The following LNX2 variants were observed in gnomAD, a reference collection of about 807,000 sequenced individuals.
LNX2 encodes the protein ligand of Numb protein X 2.
In LNX2, 35 loss-of-function variants were observed where a neutral mutation model predicts 66.2. The ratio of observed to expected loss-of-function variants is 0.53; its 90% CI spans 0.40 to 0.70. LNX2 has a LOEUF of 0.70. Among genes scored for constraint, LNX2 ranks in the 30% least tolerant of loss-of-function variants. LNX2 has a pLI of 0.00. For missense variants in LNX2, 791 were observed against 850.8 expected (o/e 0.93, Z 0.87); for synonymous variants, 337 against 315.6 (o/e 1.07, Z -0.72).
intron 1 of LNX2, among the ~76,000 whole-genome samples, chr13:27,597,583 T>C (rs1955612927): frequency 6.6e-6 from 1 of 152,114 alleles, no homozygotes; most frequent in South Asian, 2.1e-4. Context: ...AGTCAAATGA[T>C]GTGACTAGAC....
At chr13:27,581,876 A>G (rs1184827464) in intron 1 of LNX2, 73 bp from the exon 2 acceptor site, 2 of 433,256 alleles carry the variant, frequency 4.6e-6, no homozygotes, top group East Asian at 6.8e-5. Flanking sequence ...TATCAATGTA[A>G]TATTACTGGT....
chr13:27,550,570 C>T, intron 8 of LNX2, 79 bp from the exon 9 acceptor site: 1 of 1,027,902 alleles, frequency 9.7e-7, no homozygotes, highest in Non-Finnish European at 1.4e-6. Context: ...AACCCCATAC[C>T]ATGTTATATT....
intron 1 of LNX2, among the ~76,000 whole-genome samples, chr13:27,586,198 AAT>A (rs1422746717): frequency 1.3e-5 from 2 of 152,002 alleles, no homozygotes; most frequent in African/African-American, 2.4e-5. Context: ...TATTATTAAA[AAT>A]AGAGAATCAA....
intron 2 of LNX2, among the ~76,000 whole-genome samples, chr13:27,573,866 C>G (rs529005011): frequency 1.5e-4 from 23 of 151,108 alleles, no homozygotes; most frequent in Non-Finnish European, 2.8e-4. Context: ...TTTAAAATGT[C>G]CACTGTTCAA....
chr13:27,604,822 T>C (rs1410383813), intron 1 of LNX2, among the ~76,000 whole-genome samples: 1 of 148,868 alleles, frequency 6.7e-6, no homozygotes, highest in Admixed American at 6.7e-5. Context: ...CATTTCCTAT[T>C]GAATTGTATT....
chr13:27,567,980 C>CA, intron 3 of LNX2, 141 bp from the exon 4 acceptor site: 1 of 697,990 alleles, frequency 1.4e-6, no homozygotes, highest in Non-Finnish European at 2.5e-6. Flanking sequence ...GGATAAGAAA[C>CA]AAAATGACAA....
At chr13:27,579,086 T>C (rs1269384882) in intron 2 of LNX2, among the ~76,000 whole-genome samples, 1 of 152,222 alleles carries the variant, frequency 6.6e-6, no homozygotes, top group Non-Finnish European at 1.5e-5. Context: ...CATTAGATTC[T>C]AACTTGCAGA....
chr13:27,606,519 C>T, intron 1 of LNX2, among the ~76,000 whole-genome samples: 1 of 151,722 alleles, frequency 6.6e-6, no homozygotes, highest in East Asian at 1.9e-4. Context: ...GAAAGGTGAT[C>T]AAGTTAAATT....
chr13:27,610,129 C>CTACTACT (rs1218665203), intron 1 of LNX2, among the ~76,000 whole-genome samples: 1 of 152,170 alleles, frequency 6.6e-6, no homozygotes, highest in Admixed American at 6.6e-5. Context: ...AAAGGTCATG[C>CTACTACT]ACTGCTACTA....
chr13:27,562,428 A>G lies in LNX2; in HGVS notation c.1209T>C (p.Ala403=). Residue 403 remains alanine (A), a synonymous_variant, in exon 5 of 10, where the codon GCT becomes GCC. Transcript: ENST00000316334. ...GAGGGTTTACCTGAATAATCTGGGC[A>G]GCAAGCTCCGGAGTTCCATACTTCA... ...HDLKYGTPEL[A]AQIIQASGER... is the part of the protein sequence containing the mutation. 1 of 1,613,652 alleles carries G rather than the reference A, an allele frequency of 6.2e-7. No homozygotes were observed. The highest frequency in any genetic ancestry group is 8.5e-7 in the Non-Finnish European group (1 of 1,179,710).
intron 1 of LNX2, among the ~76,000 whole-genome samples, chr13:27,592,171 T>C (rs1955551945): frequency 6.6e-6 from 1 of 152,176 alleles, no homozygotes; most frequent in African/African-American, 2.4e-5. Flanking sequence ...TTGAAAATAA[T>C]CTGAAGGGCT....
chr13:27,560,069 A>C (rs1401741067), intron 5 of LNX2, 84 bp from the exon 6 acceptor site: 7 of 1,261,908 alleles, frequency 5.5e-6, no homozygotes. Flanking sequence ...TTTTCAATGA[A>C]CTTCTTAATC....
intron 5 of LNX2, among the ~76,000 whole-genome samples, chr13:27,560,970 A>G (rs1054531814): frequency 6.6e-6 from 1 of 152,194 alleles, no homozygotes. Context: ...ATCATTTACT[A>G]TTGGTCTCCT....
intron 4 of LNX2, among the ~76,000 whole-genome samples, chr13:27,564,252 G>A (rs1338121099): frequency 6.6e-6 from 1 of 152,176 alleles, no homozygotes; most frequent in Non-Finnish European, 1.5e-5. Flanking sequence ...TTTCCTCCAG[G>A]AATGCATGGT....
chr13:27,583,247 T>TGCGC lies in LNX2; in HGVS notation c.-100-1445_-100-1444insGCGC, dbSNP rs1566124843. On this transcript the variant is annotated intron_variant, in intron 1 of 9. Coordinates refer to ENST00000316334, the MANE Select transcript of LNX2 (RefSeq NM_153371.4). The stretch of plus-strand genomic sequence containing the variant: ...GTGTGTGTGTGTGTGTGTGTGTGTG[T>TGCGC]GTGTGTGTGCGCGCGTCCTCTCCAA... Among the ~76,000 whole-genome samples, 36 of 44,288 alleles carry TGCGC rather than the reference T, an allele frequency of 8.1e-4. 5 individuals are homozygous for TGCGC. Among genetic ancestry groups the TGCGC allele is most frequent in the Admixed American group, 1.0e-3 (5 of 4,848 alleles). The allele number at this position is 44,288 out of a possible 152,430, so 29.1% of individuals were successfully genotyped here.
chr13:27,586,046 A>C (rs1955482410), intron 1 of LNX2, among the ~76,000 whole-genome samples: 1 of 148,486 alleles, frequency 6.7e-6, no homozygotes, highest in African/African-American at 2.4e-5. Flanking sequence ...ACTTATATAT[A>C]CATATACTTA....
chr13:27,590,353 G>A (rs541267470), intron 1 of LNX2, among the ~76,000 whole-genome samples: 21 of 152,078 alleles, frequency 1.4e-4, no homozygotes, highest in Non-Finnish European at 2.8e-4. Flanking sequence ...TGAGCAGCTG[G>A]GATTACAGGC....
chr13:27,569,014 T>G lies in LNX2; in HGVS notation c.655+15A>C, dbSNP rs752496540. 6.2e-7 allele frequency: 1 copy of G among 1,602,420 alleles called. No homozygotes were observed. Among genetic ancestry groups the G allele is most frequent in the Non-Finnish European group, 8.5e-7 (1 of 1,175,900 alleles). ...AAATAGAGATGAAATACACAAGGAGTTGCACCACACATACTGTCAGCTCCA... is the reference window on the plus strand; with the variant it reads ...AAATAGAGATGAAATACACAAGGAGGTGCACCACACATACTGTCAGCTCCA... On this transcript the variant is annotated intron_variant, in intron 3 of 9. Transcript: ENST00000316334.
At chr13:27,584,880 G>A (rs1339375337) in intron 1 of LNX2, among the ~76,000 whole-genome samples, 4 of 152,056 alleles carry the variant, frequency 2.6e-5, no homozygotes, top group Admixed American at 6.5e-5. Context: ...CACTTTGGGA[G>A]GCTGAGGCAG....
Sources: allele counts gnomAD v4.1 joint callset (sites outside exome capture counted in the v4.1 genomes callset), GRCh38; gene constraint gnomAD v4.1.1; transcripts MANE v1.5; gene names NCBI Gene and HGNC (gene_info 2026-07-23, HGNC 2026-07-21).